PPP1R12A: variants seen among roughly 807,000 people sequenced by gnomAD.
PPP1R12A encodes the protein myosin binding subunit.
In PPP1R12A, 19 loss-of-function variants were observed where a neutral mutation model predicts 139.6. That is an observed-to-expected ratio of 0.14 (90% CI 0.09 to 0.20). The LOEUF (loss-of-function observed/expected upper bound fraction) is 0.20. PPP1R12A is among the 10% of genes least tolerant of loss of function. PPP1R12A has a pLI of 1.00. For synonymous variants in PPP1R12A, 427 were observed against 420.6 expected (o/e 1.02, Z -0.19); for missense variants, 925 against 1,211.5 (o/e 0.76, Z 3.51).
chr12:79,814,215 C>T lies in PPP1R12A; in HGVS notation c.1239+3179G>A, dbSNP rs372800239. ...CTCTTCGGCTGGGCATGGTGGCTCA[C>T]GCCTGTAATCCCAGCACCTTGGAAG... On this transcript the variant is annotated intron_variant, in intron 9 of 24. Transcript: ENST00000450142. Among the ~76,000 whole-genome samples, 75 of 152,038 alleles carry T rather than the reference C, an allele frequency of 4.9e-4. 1 individual carries two copies. Among genetic ancestry groups the T allele is most frequent in the African/African-American group, 1.6e-3 (65 of 41,468 alleles).
At chr12:79,790,006 T>G (rs1437515350) in intron 20 of PPP1R12A, among the ~76,000 whole-genome samples, 2 of 151,778 alleles carry the variant, frequency 1.3e-5, no homozygotes, top group Non-Finnish European at 1.5e-5. Context: ...ATGCTGGTCT[T>G]CAACTCCTGG....
At chr12:79,827,719 G>T (rs929638611) in intron 5 of PPP1R12A, among the ~76,000 whole-genome samples, 1 of 152,002 alleles carries the variant, frequency 6.6e-6, no homozygotes, top group African/African-American at 2.4e-5. Flanking sequence ...CTCCTTCTAC[G>T]TAATTGTGGT....
At chr12:79,859,350 G>GAAAGAAAAAAAAAAAAAAAAAAAAA (rs1881049804) in intron 2 of PPP1R12A, among the ~76,000 whole-genome samples, 1 of 36,888 alleles carries the variant, frequency 2.7e-5, no homozygotes, top group Non-Finnish European at 6.5e-5. Context: ...AAAAAAAAAA[G>GAAAGAAAAAAAAAAAAAAAAAAAAA]AAAGAAAAAA....
intron 1 of PPP1R12A, among the ~76,000 whole-genome samples, chr12:79,908,525 A>C (rs1565810877): frequency 6.6e-6 from 1 of 152,236 alleles, no homozygotes; most frequent in African/African-American, 2.4e-5. Context: ...TCCAATAAAA[A>C]CAAACAAGAT....
At chr12:79,917,614 TC>T (rs1887106224) in intron 1 of PPP1R12A, among the ~76,000 whole-genome samples, 1 of 152,008 alleles carries the variant, frequency 6.6e-6, no homozygotes, top group Non-Finnish European at 1.5e-5. Flanking sequence ...ACTACTTTCC[TC>T]ATTAACTGCA....
intron 1 of PPP1R12A, among the ~76,000 whole-genome samples, chr12:79,911,537 C>A (rs1427148712): frequency 6.6e-6 from 1 of 152,052 alleles, no homozygotes; most frequent in Non-Finnish European, 1.5e-5. Flanking sequence ...TACACCAAAC[C>A]CCCATGACAC....
intron 2 of PPP1R12A, among the ~76,000 whole-genome samples, chr12:79,859,351 A>T (rs1881048189): frequency 6.8e-6 from 1 of 147,094 alleles, no homozygotes; most frequent in East Asian, 2.1e-4. Context: ...AAAAAAAAAG[A>T]AAGAAAAAAA....
intron 2 of PPP1R12A, among the ~76,000 whole-genome samples, chr12:79,868,531 C>T (rs1012831097): frequency 2.7e-5 from 4 of 149,926 alleles, no homozygotes; most frequent in Non-Finnish European, 5.9e-5. Context: ...AATGTGTTAG[C>T]AGCTTTGGTT....
chr12:79,785,703 A>G (rs1463199436), intron 22 of PPP1R12A, among the ~76,000 whole-genome samples: 1 of 152,200 alleles, frequency 6.6e-6, no homozygotes, highest in Non-Finnish European at 1.5e-5. Flanking sequence ...TTTAACATGT[A>G]AAATATGTAG....
intron 9 of PPP1R12A, among the ~76,000 whole-genome samples, chr12:79,813,922 G>A (rs1278731788): frequency 6.6e-6 from 1 of 152,182 alleles, no homozygotes; most frequent in Non-Finnish European, 1.5e-5. Flanking sequence ...ATGTACTGGG[G>A]TAGGAAGCTG....
chr12:79,866,308 A>G (rs1881955361), intron 2 of PPP1R12A, among the ~76,000 whole-genome samples: 1 of 152,238 alleles, frequency 6.6e-6, no homozygotes, highest in East Asian at 1.9e-4. Flanking sequence ...TACAACTTAT[A>G]CAAAAATCAA....
chr12:79,862,091 G>A (rs1881402649), intron 2 of PPP1R12A, among the ~76,000 whole-genome samples: 1 of 152,084 alleles, frequency 6.6e-6, no homozygotes, highest in Non-Finnish European at 1.5e-5. Flanking sequence ...ACAGGGGGGT[G>A]CCCTTCTAGG....
At chr12:79,825,626 T>A (rs1876668099) in intron 5 of PPP1R12A, 1 of 151,822 alleles carries the variant, frequency 6.6e-6, no homozygotes, top group Non-Finnish European at 1.5e-5. Context: ...TTATACATTA[T>A]TTTCCCAAAT....
intron 1 of PPP1R12A, among the ~76,000 whole-genome samples, chr12:79,917,385 T>TGA (rs1026486142): frequency 2.4e-4 from 35 of 147,798 alleles, no homozygotes; most frequent in African/African-American, 8.1e-4. Flanking sequence ...CTCGGGAGGC[T>TGA]GAGGCAGGAG....
chr12:79,906,598 C>CCTTT (rs201019275), intron 1 of PPP1R12A, among the ~76,000 whole-genome samples: 9,211 of 151,306 alleles, frequency 0.061, 627 homozygotes, highest in African/African-American at 0.18. Context: ...TTTATTTATT[C>CCTTT]ATTTATGTAT....
At chr12:79,791,321 A>G (rs1406994733) in intron 19 of PPP1R12A, among the ~76,000 whole-genome samples, 2 of 152,144 alleles carry the variant, frequency 1.3e-5, no homozygotes, top group Non-Finnish European at 2.9e-5. Flanking sequence ...TCATGGTGTT[A>G]TCACTGATTA....
chr12:79,779,216 T>C (rs1199615583), intron 23 of PPP1R12A: 18 of 871,550 alleles, frequency 2.1e-5, no homozygotes, highest in Non-Finnish European at 3.0e-5. Context: ...CAACACATTA[T>C]TGCAGTGTAC....
intron 1 of PPP1R12A, among the ~76,000 whole-genome samples, chr12:79,893,101 T>C (rs916648361): frequency 4.1e-5 from 6 of 146,668 alleles, no homozygotes; most frequent in African/African-American, 1.5e-4. Context: ...CAAGACTGTG[T>C]CTCAAAAAAA....
chr12:79,859,925 C>T (rs1881129938), intron 2 of PPP1R12A, among the ~76,000 whole-genome samples: 2 of 152,028 alleles, frequency 1.3e-5, no homozygotes, highest in South Asian at 4.1e-4. Flanking sequence ...AACAAACCAA[C>T]AAAATTCTAT....
Sources: allele counts gnomAD v4.1 joint callset (sites outside exome capture counted in the v4.1 genomes callset), GRCh38; gene constraint gnomAD v4.1.1; transcripts MANE v1.5; gene names NCBI Gene and HGNC (gene_info 2026-07-23, HGNC 2026-07-21).